Variants in ADGRG7 observed in about 807,000 individuals in gnomAD.
The protein encoded by ADGRG7 is adhesion G protein-coupled receptor G7.
Under a neutral mutation model 88.6 loss-of-function variants are expected in ADGRG7, and 82 were observed. That is an observed-to-expected ratio of 0.93 (90% CI 0.77 to 1.11). The LOEUF (loss-of-function observed/expected upper bound fraction) is 1.11. Ranked by LOEUF, ADGRG7 falls within the 50% of genes most tolerant of loss-of-function variation. The pLI is 0.00. For missense variants in ADGRG7, 945 were observed against 953.4 expected, an observed-to-expected ratio of 0.99 and a Z score of 0.12; for synonymous variants, 381 against 345.2, an observed-to-expected ratio of 1.10 and a Z score of -1.15.
Position 100,695,100 on chromosome 3 carries a change from A to G in ADGRG7, c.*99A>G, listed in dbSNP as rs990526503. On this transcript the variant is annotated 3_prime_UTR_variant, in exon 16 of 16. Transcript: ENST00000273352. Reference sequence around the variant, plus strand: ...CAGTCCTCTCAGAAAGTCTTCCTCAATGTATTTTGCTCAGGATTAAGAATT... The same window carrying G: ...CAGTCCTCTCAGAAAGTCTTCCTCAGTGTATTTTGCTCAGGATTAAGAATT... The G allele has an allele frequency of 4.7e-6, 6 of 1,264,440 alleles. No individual in the cohort carries two copies. The highest frequency in any genetic ancestry group is 2.2e-5 in the Admixed American group (1 of 45,010). 78.3% of individuals were successfully genotyped at this position (1,264,440 alleles called of 1,614,324 possible). A position where few individuals can be genotyped will look rare whatever the true frequency, so the allele number is the denominator to read the frequency against.
Position 100,643,248 on chromosome 3 carries a change from GT to G in ADGRG7, c.699-17del. On this transcript the variant is annotated splice_polypyrimidine_tract_variant and intron_variant, in intron 6 of 15. Coordinates refer to ENST00000273352, the MANE Select transcript of ADGRG7 (RefSeq NM_032787.3). ...ATGACAAAATCTTGAGTATTAAATT[GT>G]GTTTTATTATATGCAGGCTTATTGA... 6.2e-7 allele frequency: 1 copy of G among 1,607,072 alleles called. No homozygotes were observed. Among genetic ancestry groups the G allele is most frequent in the African/African-American group, 1.3e-5 (1 of 74,710 alleles).
chr3:100,676,097 C>A (rs1185281670), intron 15 of ADGRG7, among the ~76,000 whole-genome samples: 1 of 151,820 alleles, frequency 6.6e-6, no homozygotes, highest in Non-Finnish European at 1.5e-5. Flanking sequence ...TTCAATTTCA[C>A]TTATTTCTGC....
chr3:100,620,566 A>C (rs1029472643), intron 1 of ADGRG7, among the ~76,000 whole-genome samples: 2 of 152,214 alleles, frequency 1.3e-5, no homozygotes, highest in African/African-American at 4.8e-5. Flanking sequence ...CAGGGCAATC[A>C]GGCAGGAGAA....
chr3:100,610,113 C>A, intron 1 of ADGRG7, 142 bp downstream of exon 1: 2 of 620,274 alleles, frequency 3.2e-6, no homozygotes, highest in East Asian at 6.0e-5. Context: ...ATATAAAAGA[C>A]CAAGTCAGTT....
At chr3:100,682,354 C>A (rs562727991) in intron 15 of ADGRG7, among the ~76,000 whole-genome samples, 3 of 152,198 alleles carry the variant, frequency 2.0e-5, no homozygotes, top group Non-Finnish European at 4.4e-5. Context: ...GAGCTGGGGT[C>A]ACGCTTCAGG....
rs1231009865 is a variant in ADGRG7 at position 100,616,447 on chromosome 3, C to T, written c.115+6476C>T. Among the ~76,000 whole-genome samples, 3 of 151,644 alleles carry T rather than the reference C, an allele frequency of 2.0e-5. No homozygotes were observed. In the East Asian group the frequency reaches 5.8e-4, roughly 29 times the overall value. On this transcript the variant is annotated intron_variant, in intron 1 of 15. Coordinates refer to ENST00000273352, the MANE Select transcript of ADGRG7 (RefSeq NM_032787.3). ...AAGAATAGGAGAATTTGAAAAAGAACCAAATAATACTTTTAAAATAGAAAA... is the reference window on the plus strand; with the variant it reads ...AAGAATAGGAGAATTTGAAAAAGAATCAAATAATACTTTTAAAATAGAAAA...
chr3:100,630,384 C>T (rs902960091), intron 2 of ADGRG7, among the ~76,000 whole-genome samples: 7 of 152,150 alleles, frequency 4.6e-5, no homozygotes, highest in African/African-American at 9.7e-5. Context: ...CTCATGGTAC[C>T]GTTGACCACT....
chr3:100,615,824 G>A (rs1707217085), intron 1 of ADGRG7, among the ~76,000 whole-genome samples: 1 of 152,160 alleles, frequency 6.6e-6, no homozygotes, highest in Admixed American at 6.5e-5. Context: ...CAATTTCAAT[G>A]CATTCAGGGG....
chr3:100,680,952 A>C (rs1387059449), intron 15 of ADGRG7, among the ~76,000 whole-genome samples: 1 of 152,148 alleles, frequency 6.6e-6, no homozygotes, highest in Non-Finnish European at 1.5e-5. Flanking sequence ...TTGTGGCACA[A>C]TTTTACATTG....
chr3:100,667,949 G>C (rs2149034439), intron 14 of ADGRG7, among the ~76,000 whole-genome samples: 1 of 152,334 alleles, frequency 6.6e-6, no homozygotes, highest in East Asian at 1.9e-4. Context: ...CTCCTGGTTT[G>C]TGGGTTTCAA....
At chr3:100,690,636 C>T (rs2094991644) in intron 15 of ADGRG7, among the ~76,000 whole-genome samples, 1 of 152,196 alleles carries the variant, frequency 6.6e-6, no homozygotes, top group Non-Finnish European at 1.5e-5. Context: ...AGGTCCACTC[C>T]AGACCCTGTT....
chr3:100,663,229 A>G (rs1400816014), intron 14 of ADGRG7, among the ~76,000 whole-genome samples: 1 of 152,148 alleles, frequency 6.6e-6, no homozygotes, highest in Admixed American at 6.5e-5. Context: ...GCAAGAAAAA[A>G]TAAGGAACTT....
intron 15 of ADGRG7, among the ~76,000 whole-genome samples, chr3:100,692,519 G>A (rs916741098): frequency 1.3e-5 from 2 of 152,142 alleles, no homozygotes; most frequent in Admixed American, 6.5e-5. Context: ...GTAACAAAGT[G>A]TTAATGGTAA....
intron 15 of ADGRG7, among the ~76,000 whole-genome samples, chr3:100,669,389 T>C: frequency 6.6e-6 from 1 of 151,866 alleles, no homozygotes; most frequent in Admixed American, 6.6e-5. Flanking sequence ...GGGAGTAGTC[T>C]CCTGTAGTCT....
At chr3:100,667,542 T>C (rs1197442807) in intron 14 of ADGRG7, among the ~76,000 whole-genome samples, 1 of 152,244 alleles carries the variant, frequency 6.6e-6, no homozygotes, top group Non-Finnish European at 1.5e-5. Flanking sequence ...TTCCATGGTG[T>C]ATATGTGCTG....
At chr3:100,676,912 G>A (rs918439922) in intron 15 of ADGRG7, among the ~76,000 whole-genome samples, 1 of 151,782 alleles carries the variant, frequency 6.6e-6, no homozygotes, top group African/African-American at 2.4e-5. Flanking sequence ...TCTAAGTAGA[G>A]CTACTTCTGC....
intron 8 of ADGRG7, 24 bp downstream of exon 8, chr3:100,643,657 T>C: frequency 1.3e-6 from 2 of 1,501,080 alleles, no homozygotes; most frequent in Non-Finnish European, 1.8e-6. Context: ...TTTGTGACAT[T>C]TAAAAAAATG....
intron 14 of ADGRG7, among the ~76,000 whole-genome samples, chr3:100,663,072 A>T (rs1233786440): frequency 6.6e-6 from 1 of 152,120 alleles, no homozygotes; most frequent in African/African-American, 2.4e-5. Flanking sequence ...ATTGACTAGG[A>T]GTCAGGCAAG....
intron 11 of ADGRG7, among the ~76,000 whole-genome samples, chr3:100,653,520 A>G (rs1306765200): frequency 6.6e-6 from 1 of 152,232 alleles, no homozygotes; most frequent in African/African-American, 2.4e-5. Flanking sequence ...TCTTCTACAG[A>G]TGGCCTTCAC....
Sources: allele counts gnomAD v4.1 joint callset (sites outside exome capture counted in the v4.1 genomes callset), GRCh38; gene constraint gnomAD v4.1.1; transcripts MANE v1.5; gene names NCBI Gene and HGNC (gene_info 2026-07-23, HGNC 2026-07-21).